The following TNRC18 variants were observed in gnomAD, a reference collection of about 807,000 sequenced individuals.
TNRC18 encodes the protein trinucleotide repeat containing 18, also known as trinucleotide repeat-containing gene 18 protein.
In TNRC18, 69 loss-of-function variants were observed where a neutral mutation model predicts 226.7. The observed-to-expected ratio is 0.30, with a 90% CI of 0.25 to 0.37. The LOEUF (loss-of-function observed/expected upper bound fraction) is 0.37. TNRC18 is among the 10% of genes least tolerant of loss of function. TNRC18 has a pLI of 1.00. For missense variants in TNRC18, 4,754 were observed against 4,256.6 expected (o/e 1.12, Z -3.25); for synonymous variants, 2,449 against 1,927.6 (o/e 1.27, Z -7.09).
intron 17 of TNRC18, among the ~76,000 whole-genome samples, chr7:5,347,022 T>C (rs1201557390): frequency 6.6e-6 from 1 of 151,634 alleles, no homozygotes; most frequent in Non-Finnish European, 1.5e-5. Flanking sequence ...AAGAGCAGGC[T>C]CGAACCCAGA....
At chr7:5,315,906 G>T in intron 25 of TNRC18, 50 bp downstream of exon 25, 1 of 1,415,526 alleles carries the variant, frequency 7.1e-7, no homozygotes. Context: ...GCGAGAGCCT[G>T]GGTGGGCGGC....
chr7:5,347,494 C>T (rs1037321306), intron 17 of TNRC18, among the ~76,000 whole-genome samples: 1 of 105,070 alleles, frequency 9.5e-6, no homozygotes, highest in South Asian at 2.8e-4. Flanking sequence ...CCACACCCAG[C>T]CCCCCCGCAA....
At chr7:5,390,341 A>G (rs1480338531) in intron 4 of TNRC18, 144 bp downstream of exon 4, 2 of 915,604 alleles carry the variant, frequency 2.2e-6, no homozygotes, top group African/African-American at 3.6e-5. Flanking sequence ...CCTGGGCAAC[A>G]TAGTGAGACC....
intron 4 of TNRC18, 125 bp from the exon 5 acceptor site, chr7:5,389,461 G>GTTTTTTTGTTTTTTTTTTGT (rs1554297477): frequency 5.3e-6 from 3 of 565,558 alleles, no homozygotes; most frequent in African/African-American, 2.7e-5. Flanking sequence ...TTTGGTTTTG[G>GTTTTTTTGTTTTTTTTTTGT]TTTTTTTTTT....
chr7:5,378,068 C>A, intron 5 of TNRC18, 44 bp from the exon 6 acceptor site: 2 of 1,555,964 alleles, frequency 1.3e-6, no homozygotes, highest in Non-Finnish European at 1.8e-6. Context: ...CAGCACCGAG[C>A]CCATCCCAGA....
chr7:5,395,018 G>C (rs370922211), intron 2 of TNRC18, among the ~76,000 whole-genome samples: 1 of 152,156 alleles, frequency 6.6e-6, no homozygotes, highest in Non-Finnish European at 1.5e-5. Flanking sequence ...ACTTACAGGC[G>C]GGGGGCTCAT....
intron 11 of TNRC18, 113 bp downstream of exon 11, chr7:5,370,262 G>T (rs1055673189): frequency 1.6e-6 from 2 of 1,259,960 alleles, no homozygotes; most frequent in African/African-American, 1.5e-5. Flanking sequence ...GTTTGAGGCT[G>T]CAGTGAGCTA....
At position 5,415,416 on chromosome 7, in the gene TNRC18, G is replaced by A. The variant is rs1329942340; in HGVS notation, c.187+5644C>T. 9.9e-5 allele frequency among the ~76,000 whole-genome samples: 12 copies of A among 120,928 alleles called. No homozygotes were observed. The South Asian group carries it at 1.1e-3, about 11-fold the overall frequency. The allele number at this position is 120,928 out of a possible 152,430, so 79.3% of individuals were successfully genotyped here. On this transcript the variant is annotated intron_variant, in intron 2 of 29. Coordinates refer to ENST00000430969, the MANE Select transcript of TNRC18 (RefSeq NM_001080495.3). ...TTTTGAGATGGAGTCTGTCTCTGTC[G>A]CCCAGGCTGGAGTGCAGTGGCATGA...
intron 17 of TNRC18, 45 bp downstream of exon 17, chr7:5,351,774 C>CT: frequency 6.6e-7 from 1 of 1,519,394 alleles, no homozygotes; most frequent in Non-Finnish European, 8.8e-7. Context: ...CACGCACTCT[C>CT]TCGCTAGGAA....
intron 18 of TNRC18, 40 bp downstream of exon 18, chr7:5,345,522 T>TCCCCCCCCCCCCCCCCCCC: frequency 5.9e-6 from 1 of 170,136 alleles, no homozygotes; most frequent in South Asian, 4.7e-5. Context: ...CGTCCGCCCC[T>TCCCCCCCCCCCCCCCCCCC]CCCACCCACC....
chr7:5,356,770 A>G, intron 16 of TNRC18, 146 bp downstream of exon 16: 1 of 1,178,340 alleles, frequency 8.5e-7, no homozygotes, highest in Non-Finnish European at 1.1e-6. Flanking sequence ...AGGCCATGCC[A>G]AGCTCAGGCA....
intron 5 of TNRC18, among the ~76,000 whole-genome samples, chr7:5,383,650 G>A (rs897351442): frequency 3.9e-5 from 6 of 152,310 alleles, no homozygotes; most frequent in Non-Finnish European, 7.3e-5. Flanking sequence ...TCAGCTGGGG[G>A]AACTGCCCAG....
chr7:5,364,391 G>A (rs1793391587), intron 11 of TNRC18, among the ~76,000 whole-genome samples: 1 of 151,720 alleles, frequency 6.6e-6, no homozygotes, highest in Non-Finnish European at 1.5e-5. Context: ...CCAGGAAGTT[G>A]AGACTGCAGT....
At position 5,352,205 on chromosome 7, in the gene TNRC18, AG is replaced by A. The variant is rs1162664594; in HGVS notation, c.5195-112del. On this transcript the variant is annotated intron_variant, in intron 16 of 29. Coordinates refer to ENST00000430969, the MANE Select transcript of TNRC18 (RefSeq NM_001080495.3). ...CGTACTGGAAGGTGCCAGAACAAAC[AG>A]GTCCGAATACCTAGTAGGCGGCCGT... 4.1e-5 allele frequency: 47 copies of A among 1,150,672 alleles called. No homozygotes were observed. In the African/African-American group the frequency reaches 5.9e-4, roughly 15 times the overall value. 71.3% of individuals were successfully genotyped at this position (1,150,672 alleles called of 1,614,324 possible).
intron 11 of TNRC18, among the ~76,000 whole-genome samples, chr7:5,368,922 T>C (rs1193219003): frequency 6.6e-6 from 1 of 152,130 alleles, no homozygotes; most frequent in Non-Finnish European, 1.5e-5. Flanking sequence ...CCCTTTCTGC[T>C]GAAGGCATCC....
rs1216889637 is a variant in TNRC18 at position 5,388,237 on chromosome 7, C to T, written c.1587G>A (p.Gln529=). 6.2e-7 allele frequency: 1 copy of T among 1,605,766 alleles called. No homozygotes were observed. The highest frequency in any genetic ancestry group is 8.5e-7 in the Non-Finnish European group (1 of 1,177,096). The change falls in exon 5 of 30, where the codon CAG becomes CAA. Residue 529 remains glutamine, a synonymous_variant. Transcript: ENST00000430969. ...AATQMAVLAA[Q]HHHSRAEEEA... is the part of the protein sequence containing the mutation. ...CCTCTTCGGCGCGGCTGTGGTGGTG[C>T]TGCGCGGCCAGCACGGCCATCTGCG...
intron 2 of TNRC18, among the ~76,000 whole-genome samples, chr7:5,402,490 G>A (rs933364283): frequency 3.2e-4 from 48 of 151,748 alleles, no homozygotes; most frequent in Non-Finnish European, 5.1e-4. Context: ...AGCCGAGATC[G>A]CGCCACCACA....
chr7:5,343,797 C>A (rs576864060), intron 18 of TNRC18, among the ~76,000 whole-genome samples: 1 of 152,154 alleles, frequency 6.6e-6, no homozygotes, highest in African/African-American at 2.4e-5. Context: ...ACTTAATAGG[C>A]AACAGTATAG....
chr7:5,339,295 G>C (rs947510433), intron 18 of TNRC18, among the ~76,000 whole-genome samples: 4 of 149,372 alleles, frequency 2.7e-5, no homozygotes, highest in African/African-American at 9.9e-5. Context: ...GCTGAAGTAC[G>C]GTGGTGCAGT....
Sources: gnomAD v4.1 joint callset for allele counts (sites outside exome capture counted in the v4.1 genomes callset) on GRCh38, gnomAD v4.1.1 for gene constraint, MANE v1.5 for transcripts, NCBI Gene and HGNC (gene_info 2026-07-23, HGNC 2026-07-21) for gene names.